NDUFAB1: variants seen among roughly 807,000 people sequenced by gnomAD.
NDUFAB1 encodes NADH:ubiquinone oxidoreductase subunit AB1.
A neutral mutation model predicts 16.1 loss-of-function variants in NDUFAB1; 5 were observed. The observed-to-expected ratio is 0.31, with a 90% CI of 0.16 to 0.65. NDUFAB1 has a LOEUF of 0.65. NDUFAB1 is among the 30% of genes least tolerant of loss of function. NDUFAB1 has a pLI of 0.77. For synonymous variants in NDUFAB1, 85 were observed against 78.4 expected, an observed-to-expected ratio of 1.08 and a Z score of -0.44; for missense variants, 187 against 205.3, an observed-to-expected ratio of 0.91 and a Z score of 0.54.
At chr16:23,586,147 C>T (rs1429068607) in intron 2 of NDUFAB1, among the ~76,000 whole-genome samples, 1 of 151,838 alleles carries the variant, frequency 6.6e-6, no homozygotes, top group Non-Finnish European at 1.5e-5. Context: ...AGGCTGGTCT[C>T]GAACCCCTGA....
chr16:23,589,976 G>A (rs1357380347), intron 1 of NDUFAB1, among the ~76,000 whole-genome samples: 4 of 146,970 alleles, frequency 2.7e-5, no homozygotes, highest in African/African-American at 5.0e-5. Flanking sequence ...GAAATGGTAC[G>A]ATGCCAGGTG....
intron 1 of NDUFAB1, among the ~76,000 whole-genome samples, chr16:23,590,659 CAG>C (rs989878015): frequency 2.0e-5 from 2 of 99,680 alleles, no homozygotes; most frequent in African/African-American, 4.8e-5. Flanking sequence ...TTTTTTCAGA[CAG>C]AGTCTCACTG....
intron 1 of NDUFAB1, among the ~76,000 whole-genome samples, chr16:23,589,272 G>T (rs1966258566): frequency 6.6e-6 from 1 of 151,488 alleles, no homozygotes; most frequent in Non-Finnish European, 1.5e-5. Context: ...ACTCCAGCAT[G>T]GGTGACAGAG....
chr16:23,595,640 T>C (rs1222569408), intron 1 of NDUFAB1: 3 of 457,498 alleles, frequency 6.6e-6, no homozygotes, highest in African/African-American at 2.0e-5. Context: ...CAGAAGGTGC[T>C]GCAGGGAAGA....
chr16:23,596,071 C>G, intron 1 of NDUFAB1, 52 bp downstream of exon 1: 1 of 1,560,952 alleles, frequency 6.4e-7, no homozygotes, highest in South Asian at 1.2e-5. Context: ...CCACCCCCAC[C>G]GGGCCCAATC....
chr16:23,592,145 C>T (rs1966285408), intron 1 of NDUFAB1, among the ~76,000 whole-genome samples: 1 of 152,058 alleles, frequency 6.6e-6, no homozygotes, highest in African/African-American at 2.4e-5. Context: ...AGGAAAAGAG[C>T]TGAGACTGAT....
Position 23,596,243 on chromosome 16 carries a change from G to C in NDUFAB1, c.48C>G (p.Ala16=). ...TCCGGACCCGGGGCAGCGGCGCAAAGGCCGCGGGCAGGCGGCTGACATAGG... is the reference window on the plus strand; with the variant it reads ...TCCGGACCCGGGGCAGCGGCGCAAACGCCGCGGGCAGGCGGCTGACATAGG... The part of the protein sequence containing the change: ...LSAYVSRLPA[A]FAPLPRVRML... Residue 16 remains alanine, a synonymous_variant, in exon 1 of 5, where the codon GCC becomes GCG. Coordinates refer to ENST00000007516, the MANE Select transcript of NDUFAB1 (RefSeq NM_005003.3). The C allele has an allele frequency of 6.2e-7, 1 of 1,603,856 alleles. No individual in the cohort carries two copies. Among genetic ancestry groups the C allele is most frequent in the Non-Finnish European group, 8.5e-7 (1 of 1,176,354 alleles).
intron 3 of NDUFAB1, among the ~76,000 whole-genome samples, 187 bp from the exon 4 acceptor site, chr16:23,582,562 GGTATGTTT>G (rs1966189327): frequency 7.5e-6 from 1 of 132,598 alleles, no homozygotes; most frequent in Non-Finnish European, 1.6e-5. Flanking sequence ...ATGCTTTGGA[GGTATGTTT>G]GTTTGTTTGT....
intron 3 of NDUFAB1, among the ~76,000 whole-genome samples, chr16:23,584,249 A>C (rs1274164176): frequency 1.2e-5 from 1 of 81,244 alleles, no homozygotes; most frequent in Non-Finnish European, 2.4e-5. Flanking sequence ...CCCAAGAATG[A>C]TCAATTAAAA....
Position 23,592,323 on chromosome 16 carries a change from GAC to G in NDUFAB1, c.168+3798_168+3799del, listed in dbSNP as rs372865714. Among the ~76,000 whole-genome samples the G allele has an allele frequency of 6.3e-3, 939 of 148,102 alleles. 12 individuals are homozygous for G. Among genetic ancestry groups the G allele is most frequent in the African/African-American group, 0.023 (909 of 40,054 alleles). The stretch of plus-strand genomic sequence containing the variant: ...CATGCCACTGCACTCCAGCCTAAGT[GAC>G]AGAGACCTTGTCTGGAAAAAAAAAA... On this transcript the variant is annotated intron_variant, in intron 1 of 4. Coordinates refer to ENST00000007516, the MANE Select transcript of NDUFAB1 (RefSeq NM_005003.3).
chr16:23,581,494 C>G (rs777519368), intron 4 of NDUFAB1, among the ~76,000 whole-genome samples: 1 of 150,100 alleles, frequency 6.7e-6, no homozygotes, highest in African/African-American at 2.5e-5. Flanking sequence ...TGCAGTGAGC[C>G]GAGATTGTGC....
At position 23,588,190 on chromosome 16, in the gene NDUFAB1, C is replaced by A. The variant is rs1966249152; in HGVS notation, c.169-871G>T. Among the ~76,000 whole-genome samples, 3 of 152,322 alleles carry A rather than the reference C, an allele frequency of 2.0e-5. No homozygotes were observed. In the South Asian group the frequency reaches 6.2e-4, roughly 32 times the overall value. ...CCTAATCTGGCTAGTCGTGGTGGCT[C>A]ACGCCTATAATCACAACACTTTGGG... On this transcript the variant is annotated intron_variant, in intron 1 of 4. Coordinates refer to ENST00000007516, the MANE Select transcript of NDUFAB1 (RefSeq NM_005003.3).
At chr16:23,582,204 C>CAA in intron 4 of NDUFAB1, 72 bp downstream of exon 4, 1 of 1,356,606 alleles carries the variant, frequency 7.4e-7, no homozygotes, top group Non-Finnish European at 9.5e-7. Context: ...TTTTCTGTTT[C>CAA]TTCTTAAGTT....
chr16:23,584,135 TC>T (rs1966209890), intron 3 of NDUFAB1, among the ~76,000 whole-genome samples: 2 of 150,088 alleles, frequency 1.3e-5, no homozygotes, highest in African/African-American at 4.9e-5. Context: ...GGCCCCAGGG[TC>T]CTCTGCCTAG....
intron 1 of NDUFAB1, among the ~76,000 whole-genome samples, chr16:23,593,935 C>T (rs1457126688): frequency 6.6e-6 from 1 of 151,906 alleles, no homozygotes; most frequent in Admixed American, 6.6e-5. Context: ...GGCTGGAGTG[C>T]AGTGGCACGA....
intron 1 of NDUFAB1, among the ~76,000 whole-genome samples, chr16:23,591,962 C>G (rs543603790): frequency 6.6e-6 from 1 of 152,194 alleles, no homozygotes; most frequent in Non-Finnish European, 1.5e-5. Context: ...ACACAACCTT[C>G]CCCCAAAAGA....
In NDUFAB1 at chr16:23,586,506, T is replaced by G. The variant is rs1597053958; in HGVS notation, c.291+691A>C. On this transcript the variant is annotated intron_variant, in intron 2 of 4. Transcript: ENST00000007516. ...TCTGCCACCACGCCTGTCTAATTTG[T>G]GTATTTTTAGTAGAGATGGGGTTTC... is the stretch of plus-strand genomic sequence containing the variant. 2.7e-5 allele frequency among the ~76,000 whole-genome samples: 4 copies of G among 149,266 alleles called. No individual in the cohort carries two copies. In the East Asian group the frequency reaches 8.0e-4, roughly 30 times the overall value.
intron 1 of NDUFAB1, 111 bp from the exon 2 acceptor site, chr16:23,587,430 C>T (rs1038438887): frequency 2.9e-5 from 39 of 1,341,460 alleles, no homozygotes; most frequent in Non-Finnish European, 3.8e-5. Context: ...AGAGAACCCA[C>T]AGCATCTGAT....
At chr16:23,582,495 C>G (rs1304586609) in intron 3 of NDUFAB1, 120 bp from the exon 4 acceptor site, 2 of 1,315,154 alleles carry the variant, frequency 1.5e-6, no homozygotes, top group East Asian at 5.7e-5. Context: ...AACCTTGAAT[C>G]CCATATAGGT....
Sources: gnomAD v4.1 joint callset for allele counts (sites outside exome capture counted in the v4.1 genomes callset) on GRCh38, gnomAD v4.1.1 for gene constraint, MANE v1.5 for transcripts, NCBI Gene and HGNC (gene_info 2026-07-23, HGNC 2026-07-21) for gene names.